PRKCE: variants seen among roughly 807,000 people sequenced by gnomAD.
PRKCE encodes the protein protein kinase C epsilon type.
PRKCE carries 16 observed loss-of-function variants against 85.4 expected under a neutral mutation model. That is an observed-to-expected ratio of 0.19 (90% CI 0.13 to 0.28). PRKCE has a LOEUF of 0.28. Among genes scored for constraint, PRKCE ranks in the 10% least tolerant of loss-of-function variants. The pLI is 1.00. For missense variants in PRKCE, 573 were observed against 975.2 expected (o/e 0.59, Z 5.49); for synonymous variants, 388 against 371.5 (o/e 1.04, Z -0.51).
chr2:45,681,815 GCTCA>G (rs984403231), intron 1 of PRKCE, among the ~76,000 whole-genome samples: 2 of 152,158 alleles, frequency 1.3e-5, no homozygotes, highest in Admixed American at 6.5e-5. Flanking sequence ...CTGGCTTGGT[GCTCA>G]CTAAGTGCAT....
chr2:46,097,756 C>A (rs112247162), intron 11 of PRKCE, among the ~76,000 whole-genome samples: 1 of 152,164 alleles, frequency 6.6e-6, no homozygotes, highest in Non-Finnish European at 1.5e-5. Flanking sequence ...ATGCCAAATA[C>A]CAGCATGAGT....
At chr2:45,927,936 T>TG (rs553822550) in intron 2 of PRKCE, among the ~76,000 whole-genome samples, 5 of 136,974 alleles carry the variant, frequency 3.7e-5, no homozygotes, top group South Asian at 2.6e-4. Context: ...CAGGAGAGGG[T>TG]GGGGGGGCCT....
At chr2:46,040,556 G>T (rs948835194) in intron 10 of PRKCE, among the ~76,000 whole-genome samples, 3 of 152,206 alleles carry the variant, frequency 2.0e-5, no homozygotes, top group African/African-American at 7.2e-5. Flanking sequence ...GAGAGCCACT[G>T]TCTAGGACTT....
chr2:45,747,622 G>A (rs1456526283), intron 1 of PRKCE, among the ~76,000 whole-genome samples: 1 of 152,140 alleles, frequency 6.6e-6, no homozygotes, highest in Non-Finnish European at 1.5e-5. Flanking sequence ...TGGATGCTTG[G>A]ACTGTTTTCC....
At chr2:45,761,684 CCA>C (rs1447536538) in intron 1 of PRKCE, among the ~76,000 whole-genome samples, 2 of 152,140 alleles carry the variant, frequency 1.3e-5, no homozygotes, top group Non-Finnish European at 2.9e-5. Context: ...TCCTCTCTGG[CCA>C]CAGTCTTCTG....
rs1461566676 is a variant in PRKCE, at chr2:46,155,460, C to T, written c.1921-4146C>T. Among the ~76,000 whole-genome samples, 1 of 152,092 alleles carries T rather than the reference C, an allele frequency of 6.6e-6. No individual in the cohort carries two copies. The highest frequency in any genetic ancestry group is 1.5e-5 in the Non-Finnish European group (1 of 68,022). ...GTCCTCTGGGTACCCTGTGCTCTCC[C>T]CTGCACAGCACTCTCCCACTTCCCA... On this transcript the variant is annotated intron_variant, in intron 13 of 14. Transcript: ENST00000306156. The surrounding 1 kb of genome is among the most constrained non-coding windows in gnomAD (Gnocchi z 4.7).
At chr2:45,749,281 A>G (rs11125030) in intron 1 of PRKCE, among the ~76,000 whole-genome samples, 105,747 of 152,098 alleles carry the variant, frequency 0.7, 36,913 homozygotes, top group South Asian at 0.79. Flanking sequence ...TATTAGGCAG[A>G]GCAAAACCTA....
chr2:46,042,467 G>A lies in PRKCE; in HGVS notation c.1437+31950G>A, dbSNP rs368583933. Among the ~76,000 whole-genome samples the A allele has an allele frequency of 1.1e-4, 17 of 152,322 alleles. 1 individual carries two copies. The South Asian group carries it at 2.5e-3, about 22-fold the overall frequency. Reference sequence around the variant, plus strand: ...AGGTTAGAGTCCAAGATTCTGTTCCGAATTTCAATCAGGACTAGCCACAGG... The same window carrying A: ...AGGTTAGAGTCCAAGATTCTGTTCCAAATTTCAATCAGGACTAGCCACAGG... On this transcript the variant is annotated intron_variant, in intron 10 of 14. Transcript: ENST00000306156.
chr2:46,083,944 A>C (rs930436240), intron 10 of PRKCE, among the ~76,000 whole-genome samples: 2 of 152,244 alleles, frequency 1.3e-5, no homozygotes, highest in Non-Finnish European at 2.9e-5. Flanking sequence ...CCCTGGCCGC[A>C]CATGGGAATC....
intron 1 of PRKCE, among the ~76,000 whole-genome samples, chr2:45,728,431 A>G (rs1681268795): frequency 6.6e-6 from 1 of 152,056 alleles, no homozygotes; most frequent in Admixed American, 6.6e-5. Flanking sequence ...CTTCACCAGA[A>G]CCCTTCCCCC....
At chr2:45,707,831 C>A (rs1206555163) in intron 1 of PRKCE, among the ~76,000 whole-genome samples, 1 of 152,238 alleles carries the variant, frequency 6.6e-6, no homozygotes, top group African/African-American at 2.4e-5. Context: ...AGCGATGGCT[C>A]TGACTGTCCC....
At chr2:46,173,676 G>A (rs1487908706) in intron 14 of PRKCE, among the ~76,000 whole-genome samples, 1 of 152,206 alleles carries the variant, frequency 6.6e-6, no homozygotes, top group Non-Finnish European at 1.5e-5. Flanking sequence ...TTGTTTCAAA[G>A]CATCATAACA....
intron 11 of PRKCE, among the ~76,000 whole-genome samples, chr2:46,118,693 A>G (rs1673007139): frequency 6.6e-6 from 1 of 152,204 alleles, no homozygotes; most frequent in South Asian, 2.1e-4. Flanking sequence ...AGCCAAAGAG[A>G]TGGAGGATGA....
intron 2 of PRKCE, among the ~76,000 whole-genome samples, chr2:45,924,100 A>G (rs1698441335): frequency 6.6e-6 from 1 of 152,192 alleles, no homozygotes; most frequent in Admixed American, 6.5e-5. Context: ...AAATGGACCC[A>G]ACCCCTTTTC....
intron 14 of PRKCE, among the ~76,000 whole-genome samples, chr2:46,175,813 G>A (rs1008278599): frequency 4.6e-5 from 7 of 151,938 alleles, no homozygotes; most frequent in Non-Finnish European, 1.0e-4. Context: ...CTTGCTATGT[G>A]TTGGAGGAGG....
At chr2:45,913,034 A>T (rs1027016087) in intron 2 of PRKCE, among the ~76,000 whole-genome samples, 1 of 152,212 alleles carries the variant, frequency 6.6e-6, no homozygotes, top group African/African-American at 2.4e-5. Context: ...ACCACCATCA[A>T]GTGTATCTTC....
intron 2 of PRKCE, among the ~76,000 whole-genome samples, chr2:45,959,402 C>T (rs1701230671): frequency 6.6e-6 from 1 of 152,158 alleles, no homozygotes; most frequent in Non-Finnish European, 1.5e-5. Flanking sequence ...CACACAGATG[C>T]ATGAGAGTTG....
In PRKCE at chr2:46,001,376, T is replaced by C. The variant is rs763732954; in HGVS notation, c.824-28T>C. ...CAACATCTTAGGCCATGAACACTTA[T>C]CTGTCTTTTCTCCATGTCTCCTTAC... On this transcript the variant is annotated intron_variant, in intron 6 of 14. Transcript: ENST00000306156. This position sits in a 1 kb window ranked among gnomAD's most constrained non-coding sequence, Gnocchi z 4.4. 25 of 1,587,926 alleles carry C rather than the reference T, an allele frequency of 1.6e-5. No individual in the cohort carries two copies. The African/African-American group carries it at 2.7e-4, about 17-fold the overall frequency.
Position 46,034,470 on chromosome 2 carries a change from C to T in PRKCE, c.1437+23953C>T, listed in dbSNP as rs529845067. Among the ~76,000 whole-genome samples the T allele has an allele frequency of 2.6e-5, 4 of 152,310 alleles. No homozygotes were observed. In the East Asian group the frequency reaches 7.7e-4, roughly 29 times the overall value. ...TTCCTTGGTCGGAGTATCTTCCATT[C>T]CAACTCCTAATTTTGAAAACATTGC... On this transcript the variant is annotated intron_variant, in intron 10 of 14. Coordinates refer to ENST00000306156, the MANE Select transcript of PRKCE (RefSeq NM_005400.3).
Sources: gnomAD v4.1 joint callset for allele counts (sites outside exome capture counted in the v4.1 genomes callset) on GRCh38, gnomAD v4.1.1 for gene constraint, Gnocchi (gnomAD v3.1) non-coding constraint, MANE v1.5 for transcripts, NCBI Gene and HGNC (gene_info 2026-07-23, HGNC 2026-07-21) for gene names.